KIAA0825: variants seen among roughly 807,000 people sequenced by gnomAD.
The protein encoded by KIAA0825 is uncharacterized protein KIAA0825.
KIAA0825 carries 119 observed loss-of-function variants against 147.6 expected under a neutral mutation model. The observed-to-expected ratio is 0.81, with a 90% CI of 0.69 to 0.94. KIAA0825 has a LOEUF of 0.94. KIAA0825 is among the 40% of genes least tolerant of loss of function. The pLI, the probability that KIAA0825 is intolerant of heterozygous loss-of-function variation, is 0.00. For missense variants in KIAA0825, 1,381 were observed against 1,472.7 expected (o/e 0.94, Z 1.02); for synonymous variants, 470 against 518.1 (o/e 0.91, Z 1.26).
At chr5:94,236,935 T>C (rs1049044545) in intron 20 of KIAA0825, among the ~76,000 whole-genome samples, 1 of 152,208 alleles carries the variant, frequency 6.6e-6, no homozygotes, top group Non-Finnish European at 1.5e-5. Context: ...GTAAGTGTTA[T>C]GTGCACTGGA....
chr5:94,161,878 C>T (rs191023870), intron 20 of KIAA0825, among the ~76,000 whole-genome samples: 8 of 152,270 alleles, frequency 5.3e-5, no homozygotes, highest in Admixed American at 3.9e-4. Flanking sequence ...TTTTCACATT[C>T]ATGTCATCTT....
intron 20 of KIAA0825, among the ~76,000 whole-genome samples, chr5:94,234,176 C>T (rs1460062688): frequency 1.3e-5 from 2 of 151,896 alleles, no homozygotes; most frequent in African/African-American, 4.8e-5. Context: ...ACCATCCTGG[C>T]TAACACAGTG....
At position 94,356,721 on chromosome 5, in the gene KIAA0825, A is replaced by ATTTTTTTTTTTTT. The variant is rs1156680490; in HGVS notation, c.3710+27646_3710+27647insAAAAAAAAAAAAA. Reference sequence around the variant, plus strand: ...CACATCAAACTTAAGGTTTAACTTGATTTCTTTTTTTTTTTTTTTTTGAGA... The same window carrying ATTTTTTTTTTTTT: ...CACATCAAACTTAAGGTTTAACTTGATTTTTTTTTTTTTTTTCTTTTTTTTTTTTTTTTTGAGA... On this transcript the variant is annotated intron_variant, in intron 20 of 20. Transcript: ENST00000682413. 7.1e-4 allele frequency among the ~76,000 whole-genome samples: 80 copies of ATTTTTTTTTTTTT among 112,508 alleles called. 2 individuals carry two copies. Among genetic ancestry groups the ATTTTTTTTTTTTT allele is most frequent in the African/African-American group, 1.1e-3 (30 of 27,610 alleles). The allele number at this position is 112,508 out of a possible 152,430, so 73.8% of individuals were successfully genotyped here.
intron 14 of KIAA0825, among the ~76,000 whole-genome samples, chr5:94,425,088 A>G (rs576429651): frequency 2.6e-5 from 4 of 152,186 alleles, no homozygotes; most frequent in Non-Finnish European, 5.9e-5. Context: ...TCCTCAAACT[A>G]TTCTAAAAGA....
intron 20 of KIAA0825, among the ~76,000 whole-genome samples, chr5:94,246,186 C>T (rs948167838): frequency 6.6e-6 from 1 of 152,076 alleles, no homozygotes; most frequent in African/African-American, 2.4e-5. Context: ...CAGTGAGCTA[C>T]CTTTTCTTCT....
chr5:94,257,398 A>T (rs1399023782), intron 20 of KIAA0825, among the ~76,000 whole-genome samples: 1 of 152,164 alleles, frequency 6.6e-6, no homozygotes, highest in East Asian at 1.9e-4. Flanking sequence ...TACTCCAAAC[A>T]CACATACAAA....
chr5:94,256,425 C>T (rs1019965653), intron 20 of KIAA0825, among the ~76,000 whole-genome samples: 1 of 152,034 alleles, frequency 6.6e-6, no homozygotes, highest in Non-Finnish European at 1.5e-5. Flanking sequence ...ATATTCTGTG[C>T]AAGGTTATTA....
chr5:94,471,932 C>T (rs1562531111), intron 8 of KIAA0825, among the ~76,000 whole-genome samples: 1 of 152,104 alleles, frequency 6.6e-6, no homozygotes, highest in Admixed American at 6.5e-5. Flanking sequence ...CAATGCTTCT[C>T]TCTATATAAC....
In KIAA0825 at chr5:94,361,249, A is replaced by C. The variant is rs565796433; in HGVS notation, c.3710+23119T>G. On this transcript the variant is annotated intron_variant, in intron 20 of 20. Coordinates refer to ENST00000682413, the MANE Select transcript of KIAA0825 (RefSeq NM_001145678.3). ...TAATAAAGTGTACCTAAATGTTATA[A>C]TGATAAAGAGAGTCACTGCTTTTTG... Among the ~76,000 whole-genome samples, 242 of 152,312 alleles carry C rather than the reference A, an allele frequency of 1.6e-3. 2 individuals are homozygous for C. The East Asian group carries it at 0.044, about 27-fold the overall frequency.
chr5:94,513,218 A>C (rs569815145), intron 5 of KIAA0825, among the ~76,000 whole-genome samples: 47 of 152,262 alleles, frequency 3.1e-4, no homozygotes, highest in African/African-American at 1.1e-3. Flanking sequence ...TATTTTTCTA[A>C]GTCAAAAAAT....
chr5:94,603,866 A>T (rs995632601), intron 1 of KIAA0825, among the ~76,000 whole-genome samples: 4 of 152,246 alleles, frequency 2.6e-5, no homozygotes, highest in Non-Finnish European at 5.9e-5. Context: ...CGATTCAATA[A>T]GAAGAGCTAA....
intron 20 of KIAA0825, among the ~76,000 whole-genome samples, chr5:94,365,596 T>G (rs1031240295): frequency 1.3e-5 from 2 of 152,066 alleles, no homozygotes; most frequent in Non-Finnish European, 2.9e-5. Context: ...ACTGAGAAAA[T>G]TATTACAGTG....
intron 1 of KIAA0825, among the ~76,000 whole-genome samples, chr5:94,586,392 T>C (rs928299411): frequency 3.3e-5 from 5 of 152,114 alleles, no homozygotes; most frequent in Non-Finnish European, 7.4e-5. Flanking sequence ...TAAACTACCA[T>C]CAGAGAATAC....
chr5:94,332,349 G>A (rs886927369), intron 20 of KIAA0825, among the ~76,000 whole-genome samples: 3 of 151,726 alleles, frequency 2.0e-5, no homozygotes, highest in Non-Finnish European at 4.4e-5. Flanking sequence ...TCTACATTAG[G>A]TATTTCTCCT....
rs1561268452 is a variant in KIAA0825 at position 94,529,308 on chromosome 5, TATATCATATATATGTATATATC to T, written c.132-5232_132-5211del. ...TATATGTATATATCATATATATGTA[TATATCATATATATGTATATATC>T]ATATATATGTATATATCATATATGT... On this transcript the variant is annotated intron_variant, in intron 3 of 20. Coordinates refer to ENST00000682413, the MANE Select transcript of KIAA0825 (RefSeq NM_001145678.3). Among the ~76,000 whole-genome samples, 21 of 144,226 alleles carry T rather than the reference TATATCATATATATGTATATATC, an allele frequency of 1.5e-4. 1 individual carries two copies. In the South Asian group the frequency reaches 2.1e-3, roughly 15 times the overall value. The allele number at this position is 144,226 out of a possible 152,430, so 94.6% of individuals were successfully genotyped here.
rs568726900 is a variant in KIAA0825 at position 94,389,495 on chromosome 5, T to C, written c.3456+2040A>G. Among the ~76,000 whole-genome samples, 7 of 152,328 alleles carry C rather than the reference T, an allele frequency of 4.6e-5. No individual in the cohort carries two copies. In the South Asian group the frequency reaches 1.4e-3, roughly 32 times the overall value. ...GAGACATTTTTGCTTGGACATCTTA[T>C]CTTTATCTCAAAGACAAAGCATCTT... On this transcript the variant is annotated intron_variant, in intron 18 of 20. Coordinates refer to ENST00000682413, the MANE Select transcript of KIAA0825 (RefSeq NM_001145678.3).
At chr5:94,180,301 T>A (rs1489309520) in intron 20 of KIAA0825, among the ~76,000 whole-genome samples, 1 of 152,010 alleles carries the variant, frequency 6.6e-6, no homozygotes, top group East Asian at 1.9e-4. Flanking sequence ...TTGAGGCACA[T>A]TCTACAAAAT....
intron 2 of KIAA0825, among the ~76,000 whole-genome samples, chr5:94,555,542 TTA>T (rs1479142830): frequency 6.6e-6 from 1 of 152,146 alleles, no homozygotes; most frequent in Non-Finnish European, 1.5e-5. Flanking sequence ...TATTAATTAT[TTA>T]TATATGTGTG....
intron 5 of KIAA0825, among the ~76,000 whole-genome samples, chr5:94,510,461 G>A (rs184736635): frequency 2.5e-3 from 380 of 152,260 alleles, no homozygotes; most frequent in African/African-American, 8.5e-3. Flanking sequence ...CTTCAGTGTT[G>A]AAAAGGAGTT....
Sources: gnomAD v4.1 joint callset for allele counts (sites outside exome capture counted in the v4.1 genomes callset) on GRCh38, gnomAD v4.1.1 for gene constraint, MANE v1.5 for transcripts, NCBI Gene and HGNC (gene_info 2026-07-23, HGNC 2026-07-21) for gene names.